GALNTL6: variants seen among roughly 807,000 people sequenced by gnomAD.
GALNTL6 encodes the protein polypeptide N-acetylgalactosaminyltransferase-like 6.
Under a neutral mutation model 73.7 loss-of-function variants are expected in GALNTL6, and 46 were observed. The ratio of observed to expected loss-of-function variants is 0.62; its 90% CI spans 0.49 to 0.80. The LOEUF (loss-of-function observed/expected upper bound fraction) is 0.80, where lower values mean the gene tolerates loss of function less well. Ranked by LOEUF, GALNTL6 falls within the 30% of genes least tolerant of loss-of-function variation. The pLI is 0.00. For missense variants in GALNTL6, 604 were observed against 755.0 expected, an observed-to-expected ratio of 0.80 and a Z score of 2.34; for synonymous variants, 259 against 263.7, an observed-to-expected ratio of 0.98 and a Z score of 0.17.
intron 5 of GALNTL6, among the ~76,000 whole-genome samples, chr4:172,586,732 C>G (rs1003381611): frequency 1.4e-4 from 22 of 152,110 alleles, no homozygotes; most frequent in Non-Finnish European, 2.9e-5. Context: ...TTTGAAAGAG[C>G]ATTTATAGTA....
chr4:172,567,050 T>C (rs1040101131), intron 5 of GALNTL6, among the ~76,000 whole-genome samples: 1 of 151,946 alleles, frequency 6.6e-6, no homozygotes, highest in Non-Finnish European at 1.5e-5. Flanking sequence ...AGAATTCTGT[T>C]GTAATACAGA....
chr4:172,233,149 G>A (rs1366233636), intron 3 of GALNTL6, among the ~76,000 whole-genome samples: 1 of 148,836 alleles, frequency 6.7e-6, no homozygotes, highest in Non-Finnish European at 1.5e-5. Context: ...AGGGAGGATC[G>A]CTTGAGCCCA....
chr4:171,842,306 T>C (rs373278144), intron 2 of GALNTL6, among the ~76,000 whole-genome samples: 2 of 152,238 alleles, frequency 1.3e-5, no homozygotes, highest in South Asian at 4.1e-4. Context: ...TTCTTATCCT[T>C]GCTTACTTTT....
At chr4:172,072,276 C>T (rs1731567976) in intron 2 of GALNTL6, among the ~76,000 whole-genome samples, 1 of 151,970 alleles carries the variant, frequency 6.6e-6, no homozygotes. Flanking sequence ...TTTGACTCTT[C>T]ACAGTAGATG....
intron 5 of GALNTL6, among the ~76,000 whole-genome samples, chr4:172,594,283 T>C (rs1427201118): frequency 6.6e-6 from 1 of 152,074 alleles, no homozygotes; most frequent in Admixed American, 6.6e-5. Flanking sequence ...AGGTGGAGGT[T>C]GCAGTGAGCC....
Position 172,933,869 on chromosome 4 carries a change from T to A in GALNTL6, c.1149+2601T>A, listed in dbSNP as rs145866573. Among the ~76,000 whole-genome samples, 276 of 152,352 alleles carry A rather than the reference T, an allele frequency of 1.8e-3. 3 individuals are homozygous for A. The highest frequency in any genetic ancestry group is 0.016 in the Admixed American group (247 of 15,304). On this transcript the variant is annotated intron_variant, in intron 9 of 12. Coordinates refer to ENST00000506823, the MANE Select transcript of GALNTL6 (RefSeq NM_001034845.3). Reference sequence around the variant, plus strand: ...GACTTGACTCCAAAGGCTTATTTTCTTACTCTACAAAGCTCAATTAATTCT... The same window carrying A: ...GACTTGACTCCAAAGGCTTATTTTCATACTCTACAAAGCTCAATTAATTCT...
At chr4:172,156,540 A>AGTATATATATATATATATATATATAGTGT (rs58197299) in intron 2 of GALNTL6, among the ~76,000 whole-genome samples, 1 of 125,186 alleles carries the variant, frequency 8.0e-6, no homozygotes, top group African/African-American at 3.4e-5. Context: ...ATATATATAT[A>AGTATATATATATATATATATATATAGTGT]ATATATATAT....
chr4:172,707,229 C>T (rs147606280), intron 5 of GALNTL6, among the ~76,000 whole-genome samples: 57 of 152,160 alleles, frequency 3.7e-4, no homozygotes, highest in African/African-American at 7.7e-4. Flanking sequence ...ATATTGTTTA[C>T]GGTTTATTTA....
chr4:172,689,652 G>A lies in GALNTL6; in HGVS notation c.554-119709G>A, dbSNP rs549910735. Among the ~76,000 whole-genome samples, 13 of 152,216 alleles carry A rather than the reference G, an allele frequency of 8.5e-5. No homozygotes were observed. In the East Asian group the frequency reaches 1.7e-3, roughly 20 times the overall value. On this transcript the variant is annotated intron_variant, in intron 5 of 12. Coordinates refer to ENST00000506823, the MANE Select transcript of GALNTL6 (RefSeq NM_001034845.3). ...AAGTTCTTAATGCTTTTTCTGTGGG[G>A]TATGTGCCCAGTGGTAACAGCCACT...
intron 5 of GALNTL6, among the ~76,000 whole-genome samples, chr4:172,405,423 ATATATATATATATATATATATTTTT>A (rs1744179917): frequency 9.7e-5 from 2 of 20,580 alleles, no homozygotes; most frequent in African/African-American, 2.3e-4. Context: ...ATATATATAT[ATATATATATATATATATATATTTTT>A]TTTTTTTTTT....
intron 3 of GALNTL6, among the ~76,000 whole-genome samples, chr4:172,306,536 G>T (rs1397273605): frequency 6.6e-6 from 1 of 152,128 alleles, no homozygotes; most frequent in Non-Finnish European, 1.5e-5. Context: ...TTTTTTAGTG[G>T]TGACTTCTGA....
chr4:172,135,919 C>G (rs1733625364), intron 2 of GALNTL6, among the ~76,000 whole-genome samples: 1 of 152,062 alleles, frequency 6.6e-6, no homozygotes, highest in South Asian at 2.1e-4. Context: ...GTCATTAATT[C>G]TGTTTCTCTT....
chr4:173,018,425 TTTAA>T (rs1752866357), intron 11 of GALNTL6, among the ~76,000 whole-genome samples: 1 of 152,196 alleles, frequency 6.6e-6, no homozygotes, highest in African/African-American at 2.4e-5. Flanking sequence ...TCAATAGAAA[TTTAA>T]TTGAGGATCT....
intron 10 of GALNTL6, 86 bp from the exon 11 acceptor site, chr4:173,009,092 C>T (rs1752425223): frequency 1.2e-6 from 1 of 852,006 alleles, no homozygotes; most frequent in African/African-American, 1.7e-5. Flanking sequence ...TAATCTATGT[C>T]TTACTTAATC....
At chr4:172,104,323 T>C (rs888863543) in intron 2 of GALNTL6, among the ~76,000 whole-genome samples, 1 of 152,170 alleles carries the variant, frequency 6.6e-6, no homozygotes, top group Admixed American at 6.5e-5. Flanking sequence ...CAGAGTTTAA[T>C]GTCAAAGTTT....
At chr4:172,566,723 A>G (rs563942335) in intron 5 of GALNTL6, among the ~76,000 whole-genome samples, 15 of 152,098 alleles carry the variant, frequency 9.9e-5, no homozygotes, top group African/African-American at 3.6e-4. Flanking sequence ...AAACAACAGA[A>G]AAAAATAAAT....
At chr4:172,253,194 T>C (rs1411834656) in intron 3 of GALNTL6, among the ~76,000 whole-genome samples, 1 of 151,920 alleles carries the variant, frequency 6.6e-6, no homozygotes, top group African/African-American at 2.4e-5. Flanking sequence ...CAGTAAACAA[T>C]GTAAACCCGT....
chr4:172,863,130 G>A (rs1272098174), intron 7 of GALNTL6, among the ~76,000 whole-genome samples: 1 of 152,240 alleles, frequency 6.6e-6, no homozygotes, highest in African/African-American at 2.4e-5. Flanking sequence ...ATGCCTGGAT[G>A]TTCAGGCAAA....
At chr4:171,818,517 A>C (rs1560800136) in intron 2 of GALNTL6, among the ~76,000 whole-genome samples, 5 of 149,856 alleles carry the variant, frequency 3.3e-5, no homozygotes, top group Non-Finnish European at 7.4e-5. Flanking sequence ...TTTAAAACAG[A>C]TCAGAACTGT....
Sources: allele counts gnomAD v4.1 joint callset (sites outside exome capture counted in the v4.1 genomes callset), GRCh38; gene constraint gnomAD v4.1.1; transcripts MANE v1.5; gene names NCBI Gene and HGNC (gene_info 2026-07-23, HGNC 2026-07-21).